NSD1: variants seen among roughly 807,000 people sequenced by gnomAD.
NSD1 encodes nuclear receptor binding SET domain protein 1.
NSD1 carries 26 observed loss-of-function variants against 242.7 expected under a neutral mutation model. The observed-to-expected ratio is 0.11, with a 90% CI of 0.08 to 0.15. The LOEUF is 0.15. NSD1 is among the 10% of genes least tolerant of loss of function. The probability of loss-of-function intolerance (pLI) is 1.00; values close to 1 mark genes in which losing one functional copy is unlikely to be tolerated. For synonymous variants in NSD1, 1,106 were observed against 1,178.1 expected (o/e 0.94, Z 1.25); for missense variants, 2,495 against 3,272.8 (o/e 0.76, Z 5.80).
chr5:177,296,461 TCTCTGGCAAG>T lies in NSD1; in HGVS notation c.*1008_*1017del, dbSNP rs1201955547. ...AGCCTCGGGCAGTGGACATAGGGAA[TCTCTGGCAAG>T]CTCTGAGCTAGACACACCAGCTTCA... On this transcript the variant is annotated 3_prime_UTR_variant, in exon 23 of 23. Coordinates refer to ENST00000439151, the MANE Select transcript of NSD1 (RefSeq NM_022455.5). 3 of 233,206 alleles carry T rather than the reference TCTCTGGCAAG, an allele frequency of 1.3e-5. No homozygotes were observed. The highest frequency in any genetic ancestry group is 6.6e-5 in the African/African-American group (3 of 45,338). The allele number at this position is 233,206 out of a possible 1,614,324, so 14.4% of individuals were successfully genotyped here. A position where few individuals can be genotyped will look rare whatever the true frequency, so the allele number is the denominator to read the frequency against.
intron 2 of NSD1, among the ~76,000 whole-genome samples, chr5:177,164,878 G>C (rs924496098): frequency 5.9e-5 from 9 of 151,884 alleles, no homozygotes; most frequent in Middle Eastern, 3.4e-3. Context: ...AGGAGGTGGA[G>C]GTTACAGTGA....
chr5:177,219,795 C>T (rs1764091379), intron 5 of NSD1, among the ~76,000 whole-genome samples: 1 of 152,086 alleles, frequency 6.6e-6, no homozygotes, highest in African/African-American at 2.4e-5. Context: ...AACCCCATCT[C>T]CACTAAAAAT....
rs1760409251 is a variant in NSD1, at chr5:177,298,814, A to G, written c.*3355A>G. ...CCTGACAGATTCCCCCATAGGGAGT[A>G]ATGAGGACAGCATGAAACTTGGATA... On this transcript the variant is annotated 3_prime_UTR_variant, in exon 23 of 23. Coordinates refer to ENST00000439151, the MANE Select transcript of NSD1 (RefSeq NM_022455.5). 4.3e-6 allele frequency: 1 copy of G among 233,074 alleles called. No homozygotes were observed. The highest frequency in any genetic ancestry group is 1.2e-3 in the Middle Eastern group (1 of 808). 14.4% of individuals were successfully genotyped at this position (233,074 alleles called of 1,614,324 possible). A position where few individuals can be genotyped will look rare whatever the true frequency, so the allele number is the denominator to read the frequency against.
intron 2 of NSD1, among the ~76,000 whole-genome samples, chr5:177,171,575 T>C (rs1759715118): frequency 6.6e-6 from 1 of 152,204 alleles, no homozygotes; most frequent in African/African-American, 2.4e-5. Flanking sequence ...CATTCATCAG[T>C]TGATGGTCAT....
At position 177,295,575 on chromosome 5, in the gene NSD1, A is replaced by T; in HGVS notation, c.*116A>T. 9.4e-7 allele frequency: 1 copy of T among 1,069,192 alleles called. No individual in the cohort carries two copies. Among genetic ancestry groups the T allele is most frequent in the Non-Finnish European group, 1.4e-6 (1 of 711,726 alleles). The allele number at this position is 1,069,192 out of a possible 1,614,324, so 66.2% of individuals were successfully genotyped here. Reference sequence around the variant, plus strand: ...ACACATCTGCCCCGAACACTTTCCCACTGTTATTCTTTCCTCATATCCCAA... The same window carrying T: ...ACACATCTGCCCCGAACACTTTCCCTCTGTTATTCTTTCCTCATATCCCAA... On this transcript the variant is annotated 3_prime_UTR_variant, in exon 23 of 23. Transcript: ENST00000439151. The surrounding 1 kb of genome is among the most constrained non-coding windows in gnomAD (Gnocchi z 4.3).
chr5:177,237,908 C>G (rs750134633), intron 6 of NSD1, among the ~76,000 whole-genome samples: 2 of 152,148 alleles, frequency 1.3e-5, no homozygotes, highest in Admixed American at 1.3e-4. Context: ...TCTCCACCAT[C>G]CATCTCGATA....
chr5:177,207,352 A>C (rs1762958404), intron 4 of NSD1, among the ~76,000 whole-genome samples: 1 of 149,978 alleles, frequency 6.7e-6, no homozygotes, highest in Non-Finnish European at 1.5e-5. Flanking sequence ...GTGCGATGTC[A>C]GCTCACTACA....
intron 3 of NSD1, among the ~76,000 whole-genome samples, chr5:177,196,917 C>A (rs1762139955): frequency 6.6e-6 from 1 of 151,952 alleles, no homozygotes; most frequent in African/African-American, 2.4e-5. Context: ...GTACTGAATC[C>A]CATATATATA....
intron 7 of NSD1, among the ~76,000 whole-genome samples, 154 bp from the exon 8 acceptor site, chr5:177,239,602 T>C (rs1562246150): frequency 6.6e-6 from 1 of 152,246 alleles, no homozygotes; most frequent in Non-Finnish European, 1.5e-5. Flanking sequence ...ACTAATATTT[T>C]ATAATAAGCA....
intron 2 of NSD1, among the ~76,000 whole-genome samples, chr5:177,162,737 G>A (rs912093837): frequency 6.6e-6 from 1 of 152,082 alleles, no homozygotes; most frequent in Admixed American, 6.6e-5. Flanking sequence ...CTGGACTGCA[G>A]TGGTGTGATC....
chr5:177,208,858 G>T (rs1468162997), intron 4 of NSD1, among the ~76,000 whole-genome samples: 2 of 151,970 alleles, frequency 1.3e-5, no homozygotes, highest in African/African-American at 4.8e-5. Flanking sequence ...ACCACACCTG[G>T]CTAATTTTTT....
chr5:177,273,497 A>G (rs952384813), intron 16 of NSD1, among the ~76,000 whole-genome samples, 175 bp from the exon 17 acceptor site: 6 of 152,214 alleles, frequency 3.9e-5, no homozygotes, highest in East Asian at 1.9e-4. Context: ...CCTTTGGACT[A>G]CATTACCTGT....
At chr5:177,165,970 C>T (rs893864649) in intron 2 of NSD1, among the ~76,000 whole-genome samples, 28 of 143,804 alleles carry the variant, frequency 1.9e-4, no homozygotes, top group African/African-American at 4.0e-4. Flanking sequence ...AGTGCGGTGG[C>T]GCAATCTCGG....
At chr5:177,136,958 T>A in intron 2 of NSD1, 1 of 698,246 alleles carries the variant, frequency 1.4e-6, no homozygotes, top group Non-Finnish European at 2.6e-6. Flanking sequence ...CTACAGTAGT[T>A]TCAGATTTTG....
chr5:177,138,032 G>A (rs1395743780), intron 2 of NSD1, among the ~76,000 whole-genome samples: 2 of 151,132 alleles, frequency 1.3e-5, no homozygotes, highest in South Asian at 2.1e-4. Flanking sequence ...CCAAGATTGC[G>A]CCATTGCACT....
intron 8 of NSD1, among the ~76,000 whole-genome samples, chr5:177,241,016 CTCAG>C (rs1765814685): frequency 6.6e-6 from 1 of 152,142 alleles, no homozygotes; most frequent in Admixed American, 6.5e-5. Flanking sequence ...AAGACCCTGT[CTCAG>C]TCAATCAATC....
chr5:177,145,624 A>G (rs190682525), intron 2 of NSD1, among the ~76,000 whole-genome samples: 1,676 of 152,224 alleles, frequency 0.011, 16 homozygotes, highest in South Asian at 0.038. Context: ...AACAAATTCC[A>G]TGGCCAGGCT....
chr5:177,240,712 CA>C (rs1411624808), intron 8 of NSD1, among the ~76,000 whole-genome samples: 1 of 151,842 alleles, frequency 6.6e-6, no homozygotes, highest in African/African-American at 2.4e-5. Context: ...GACTCCGTCT[CA>C]AAAAAATAAA....
chr5:177,286,295 A>G (rs1175709750), intron 20 of NSD1, among the ~76,000 whole-genome samples: 3 of 152,188 alleles, frequency 2.0e-5, no homozygotes, highest in African/African-American at 4.8e-5. Flanking sequence ...TTGAGCCACT[A>G]GTTACTTTCG....
Sources: allele counts gnomAD v4.1 joint callset (sites outside exome capture counted in the v4.1 genomes callset), GRCh38; gene constraint gnomAD v4.1.1; non-coding constraint Gnocchi (gnomAD v3.1); transcripts MANE v1.5; gene names NCBI Gene and HGNC (gene_info 2026-07-23, HGNC 2026-07-21).